Variants in PCDH15 observed in about 807,000 individuals in gnomAD.
PCDH15 encodes protocadherin-15.
In PCDH15, 129 loss-of-function variants were observed where a neutral mutation model predicts 178.5. The ratio of observed to expected loss-of-function variants is 0.72; its 90% confidence interval spans 0.63 to 0.84. The LOEUF (loss-of-function observed/expected upper bound fraction) is 0.84, where lower values mean the gene tolerates loss of function less well. Among genes scored for constraint, PCDH15 ranks in the 40% least tolerant of loss-of-function variants. The probability of loss-of-function intolerance (pLI) is 0.00; values close to 1 mark genes in which losing one functional copy is unlikely to be tolerated. For missense variants in PCDH15, 2,230 were observed against 2,099.9 expected, an observed-to-expected ratio of 1.06 and a Z score of -1.21; for synonymous variants, 800 against 732.0, an observed-to-expected ratio of 1.09 and a Z score of -1.50.
chr10:54,563,694 G>A (rs1320714595), intron 2 of PCDH15, among the ~76,000 whole-genome samples: 1 of 152,080 alleles, frequency 6.6e-6, no homozygotes, highest in African/African-American at 2.4e-5. Flanking sequence ...CCAAGAGAAG[G>A]TAGCTGTTAA....
chr10:54,752,520 ACAAACAAAC>A (rs1946465192), intron 1 of PCDH15, among the ~76,000 whole-genome samples: 17 of 81,188 alleles, frequency 2.1e-4, no homozygotes, highest in Non-Finnish European at 3.3e-4. Context: ...AAACAAACAA[ACAAACAAAC>A]AAAAAAAAAC....
intron 11 of PCDH15, among the ~76,000 whole-genome samples, chr10:54,185,956 T>C (rs1224536664): frequency 1.3e-5 from 2 of 152,008 alleles, no homozygotes; most frequent in Non-Finnish European, 2.9e-5. Context: ...AAGGAAGGGA[T>C]TTCAAAATTC....
intron 3 of PCDH15, among the ~76,000 whole-genome samples, chr10:54,422,941 C>T (rs1315869237): frequency 3.3e-5 from 5 of 152,060 alleles, no homozygotes; most frequent in Non-Finnish European, 5.9e-5. Flanking sequence ...GAATAATTAA[C>T]CACAAAAATA....
intron 1 of PCDH15, among the ~76,000 whole-genome samples, chr10:55,275,705 CT>C (rs200162578): frequency 0.028 from 3,951 of 139,536 alleles, 55 homozygotes; most frequent in African/African-American, 0.043. Flanking sequence ...ACTTGTCTCT[CT>C]TTTTTTTTTT....
chr10:54,840,918 G>A (rs1241322548), intron 3 of PCDH15, among the ~76,000 whole-genome samples: 1 of 151,688 alleles, frequency 6.6e-6, no homozygotes, highest in African/African-American at 2.4e-5. Context: ...ATAGATCTAA[G>A]TATATAAAGG....
intron 7 of PCDH15, among the ~76,000 whole-genome samples, chr10:54,318,000 C>G (rs1488930528): frequency 6.6e-6 from 1 of 152,100 alleles, no homozygotes; most frequent in East Asian, 1.9e-4. Context: ...GACAGCCTAA[C>G]CATAAAGGTC....
chr10:55,563,462 C>T (rs1220930291), intron 2 of PCDH15, among the ~76,000 whole-genome samples: 1 of 151,468 alleles, frequency 6.6e-6, no homozygotes, highest in Non-Finnish European at 1.5e-5. Flanking sequence ...CAGACACAGC[C>T]TGCAACAATA....
At chr10:54,942,056 A>G (rs538914251) in intron 2 of PCDH15, among the ~76,000 whole-genome samples, 32 of 152,194 alleles carry the variant, frequency 2.1e-4, no homozygotes, top group East Asian at 7.7e-4. Flanking sequence ...TATCTCCCCA[A>G]TATAGTCCAA....
At chr10:55,377,203 C>T (rs569161351) in intron 2 of PCDH15, among the ~76,000 whole-genome samples, 1 of 150,026 alleles carries the variant, frequency 6.7e-6, no homozygotes, top group African/African-American at 2.4e-5. Context: ...ACCAGGCAGG[C>T]TCTTAAGTGT....
chr10:55,606,921 T>A (rs1843232969), intron 2 of PCDH15, among the ~76,000 whole-genome samples: 1 of 147,400 alleles, frequency 6.8e-6, no homozygotes, highest in Admixed American at 6.8e-5. Flanking sequence ...CTAAAGAGCT[T>A]CTGCACAGCA....
chr10:54,235,948 C>A (rs2054586790), intron 9 of PCDH15, among the ~76,000 whole-genome samples: 1 of 152,096 alleles, frequency 6.6e-6, no homozygotes, highest in African/African-American at 2.4e-5. Context: ...CTTGAATTTT[C>A]TTTACAGACA....
chr10:54,289,498 G>A lies in PCDH15; in HGVS notation c.876+27773C>T, dbSNP rs986856946. On this transcript the variant is annotated intron_variant, in intron 8 of 37. Transcript: ENST00000644397. ...CCAGAGTGCCTCTTCTCCTCCAAAGGAATGCAGCTCCTCACCAGCAACAGA... is the reference window on the plus strand; with the variant it reads ...CCAGAGTGCCTCTTCTCCTCCAAAGAAATGCAGCTCCTCACCAGCAACAGA... Among the ~76,000 whole-genome samples, 10 of 152,296 alleles carry A rather than the reference G, an allele frequency of 6.6e-5. No individual in the cohort carries two copies. In the East Asian group the frequency reaches 1.9e-3, roughly 29 times the overall value.
At chr10:55,512,308 A>G (rs1012521295) in intron 2 of PCDH15, among the ~76,000 whole-genome samples, 52 of 152,178 alleles carry the variant, frequency 3.4e-4, no homozygotes, top group African/African-American at 1.2e-3. Context: ...ATCCTCTATA[A>G]TCAGGATTAG....
At chr10:55,141,316 G>C (rs561780523) in intron 2 of PCDH15, among the ~76,000 whole-genome samples, 2 of 151,832 alleles carry the variant, frequency 1.3e-5, no homozygotes, top group African/African-American at 2.4e-5. Flanking sequence ...AGATGCCAAA[G>C]GAAAAAGATA....
chr10:54,344,923 A>C (rs975814524), intron 6 of PCDH15, among the ~76,000 whole-genome samples: 4 of 147,530 alleles, frequency 2.7e-5, no homozygotes. Flanking sequence ...AAAAAAAAAA[A>C]AAACAAGACT....
At chr10:53,897,043 T>C (rs1296388085) in intron 26 of PCDH15, among the ~76,000 whole-genome samples, 1 of 152,094 alleles carries the variant, frequency 6.6e-6, no homozygotes, top group African/African-American at 2.4e-5. Flanking sequence ...TGTGAAAAAA[T>C]TGTTTTCCAC....
Position 55,023,098 on chromosome 10 carries a change from C to T in PCDH15, c.-79-125598G>A, listed in dbSNP as rs369398825. On this transcript the variant is annotated intron_variant, in intron 2 of 5. Transcript: ENST00000458638. Reference sequence around the variant, plus strand: ...CTGGGACTGCAGGCGCCCGCCACCACGCCCGGTGAAGTTTTTGCATTTTTA... The same window carrying T: ...CTGGGACTGCAGGCGCCCGCCACCATGCCCGGTGAAGTTTTTGCATTTTTA... Among the ~76,000 whole-genome samples, 20 of 152,156 alleles carry T rather than the reference C, an allele frequency of 1.3e-4. No individual in the cohort carries two copies. In the South Asian group the frequency reaches 2.1e-3, roughly 16 times the overall value.
chr10:54,022,805 A>G, intron 19 of PCDH15, 87 bp downstream of exon 19: 1 of 1,314,404 alleles, frequency 7.6e-7, no homozygotes, highest in South Asian at 1.2e-5. Context: ...GGTATGTTGT[A>G]TTGTTACTTG....
At chr10:55,272,989 T>A (rs1842485222) in intron 1 of PCDH15, among the ~76,000 whole-genome samples, 1 of 152,040 alleles carries the variant, frequency 6.6e-6, no homozygotes, top group South Asian at 2.1e-4. Context: ...TATGAGACTA[T>A]GAAACTGTGA....
Sources: allele counts gnomAD v4.1 joint callset (sites outside exome capture counted in the v4.1 genomes callset), GRCh38; gene constraint gnomAD v4.1.1; transcripts MANE v1.5; gene names NCBI Gene and HGNC (gene_info 2026-07-23, HGNC 2026-07-21).